Variants in JAK2 observed in about 807,000 individuals in gnomAD.
JAK2 encodes the protein Janus kinase 2, also known as tyrosine-protein kinase JAK2.
A neutral mutation model predicts 139.3 loss-of-function variants in JAK2; 86 were observed. The observed-to-expected ratio is 0.62, with a 90% CI of 0.52 to 0.74. JAK2 has a LOEUF of 0.74. JAK2 is among the 30% of genes least tolerant of loss of function. The probability of loss-of-function intolerance (pLI) is 0.00; values close to 1 mark genes in which losing one functional copy is unlikely to be tolerated. For missense variants in JAK2, 1,421 were observed against 1,360.3 expected (o/e 1.04, Z -0.70); for synonymous variants, 490 against 437.7 (o/e 1.12, Z -1.49).
chr9:5,042,057 G>A lies in JAK2; in HGVS notation c.351-2346G>A, dbSNP rs1233511359. The A allele has an allele frequency of 2.9e-5, 7 of 244,344 alleles. No individual in the cohort carries two copies. The East Asian group carries it at 9.3e-4, about 33-fold the overall frequency. The allele number at this position is 244,344 out of a possible 1,614,324, so 15.1% of individuals were successfully genotyped here. On this transcript the variant is annotated intron_variant, in intron 4 of 24. Coordinates refer to ENST00000381652, the MANE Select transcript of JAK2 (RefSeq NM_004972.4). Reference sequence around the variant, plus strand: ...TGGAAGCCAGGACACAGACTGCAGGGTCTTGGCCGGCGGCCCCATCCCCGG... The same window carrying A: ...TGGAAGCCAGGACACAGACTGCAGGATCTTGGCCGGCGGCCCCATCCCCGG...
chr9:5,095,990 C>A lies in JAK2; in HGVS notation c.3059+5079C>A, dbSNP rs547601536. Among the ~76,000 whole-genome samples, 7 of 152,270 alleles carry A rather than the reference C, an allele frequency of 4.6e-5. No homozygotes were observed. The South Asian group carries it at 1.2e-3, about 27-fold the overall frequency. ...CTACTATCCCTAGGAGCTTTACCTC[C>A]ATTAACAGGATTTCTGCCTGAATGA... On this transcript the variant is annotated intron_variant, in intron 22 of 24. Transcript: ENST00000381652.
At chr9:5,123,246 G>A (rs1823754310) in intron 23 of JAK2, 125 bp downstream of exon 23, 2 of 571,500 alleles carry the variant, frequency 3.5e-6, no homozygotes, top group Non-Finnish European at 6.3e-6. Flanking sequence ...GAGCTTTTAG[G>A]GTATCCACCA....
chr9:5,038,256 G>C (rs2130253081), intron 4 of JAK2, among the ~76,000 whole-genome samples: 1 of 152,270 alleles, frequency 6.6e-6, no homozygotes, highest in East Asian at 1.9e-4. Flanking sequence ...AGAAAGAACA[G>C]AAAGTTTGAA....
rs1225953672 is a variant in JAK2 at position 5,090,575 on chromosome 9, C to G, written c.2886+5C>G. 1 of 1,561,520 alleles carries G rather than the reference C, an allele frequency of 6.4e-7. No homozygotes were observed. Among genetic ancestry groups the G allele is most frequent in the African/African-American group, 1.4e-5 (1 of 72,790 alleles). ...TACACATCTCAGATATGCAAGGTAA[C>G]TAATATCCTGATTATTTGCTGTAGA... On this transcript the variant is annotated splice_donor_5th_base_variant and intron_variant, in intron 21 of 24. Transcript: ENST00000381652.
In JAK2 at chr9:5,128,962, T is replaced by G. The variant is rs1420927780; in HGVS notation, c.*2171T>G. On this transcript the variant is annotated 3_prime_UTR_variant, in exon 25 of 25. Coordinates refer to ENST00000381652, the MANE Select transcript of JAK2 (RefSeq NM_004972.4). ...TTATACAATCTTTATATAAATGACT[T>G]TTTCCATGGGTACTTGTTTGGAAAA... 6.6e-6 allele frequency among the ~76,000 whole-genome samples: 1 copy of G among 152,038 alleles called. No individual in the cohort carries two copies. The highest frequency in any genetic ancestry group is 1.5e-5 in the Non-Finnish European group (1 of 67,874).
intron 2 of JAK2, among the ~76,000 whole-genome samples, chr9:4,993,799 A>T (rs1460124960): frequency 2.0e-5 from 3 of 152,194 alleles, no homozygotes; most frequent in Non-Finnish European, 2.9e-5. Context: ...TAAGAAAAAA[A>T]TGGATTCCTG....
At chr9:5,032,913 T>A (rs1823276817) in intron 4 of JAK2, among the ~76,000 whole-genome samples, 2 of 152,150 alleles carry the variant, frequency 1.3e-5, no homozygotes, top group Admixed American at 1.3e-4. Context: ...TTTGACAAGT[T>A]GAGAGAAGAA....
rs1206179248 is a variant in JAK2 at position 5,083,482 on chromosome 9, G to T, written c.2571+1621G>T. On this transcript the variant is annotated intron_variant, in intron 19 of 24. Transcript: ENST00000381652. ...TCCTGAAATATCTCCAGATGTCATT[G>T]ATTTTCCTCTTTTCTGGGAACTTAT... Among the ~76,000 whole-genome samples, 6 of 152,076 alleles carry T rather than the reference G, an allele frequency of 3.9e-5. No homozygotes were observed. In the East Asian group the frequency reaches 9.6e-4, roughly 24 times the overall value.
intron 22 of JAK2, chr9:5,098,385 T>A (rs1020025593): frequency 1.2e-4 from 19 of 152,204 alleles, no homozygotes; most frequent in African/African-American, 3.4e-4. Flanking sequence ...CTACATCCCC[T>A]ATCATAGAAG....
chr9:5,072,186 G>A (rs913019514), intron 12 of JAK2, among the ~76,000 whole-genome samples: 4 of 152,176 alleles, frequency 2.6e-5, no homozygotes, highest in African/African-American at 9.6e-5. Context: ...TGATTCCCAT[G>A]TAAGCAAATG....
chr9:5,011,922 C>G (rs1821728855), intron 2 of JAK2, among the ~76,000 whole-genome samples: 1 of 152,190 alleles, frequency 6.6e-6, no homozygotes, highest in African/African-American at 2.4e-5. Context: ...AGTGGAAAGC[C>G]TGAGATATTT....
intron 8 of JAK2, among the ~76,000 whole-genome samples, chr9:5,059,327 T>C (rs1817994417): frequency 6.6e-6 from 1 of 152,202 alleles, no homozygotes; most frequent in Admixed American, 6.5e-5. Context: ...GTATGTATTC[T>C]TTTAAAATCT....
chr9:5,018,981 TTC>T (rs1822242718), intron 2 of JAK2, among the ~76,000 whole-genome samples: 1 of 152,156 alleles, frequency 6.6e-6, no homozygotes. Context: ...CTGACAACAG[TTC>T]TCTCTTTGTC....
rs1183602384 is a variant in JAK2, at chr9:5,054,890, C to T, written c.936+6C>T. On this transcript the variant is annotated splice_donor_region_variant and intron_variant, in intron 7 of 24. Transcript: ENST00000381652. The surrounding 1 kb of genome is among the most constrained non-coding windows in gnomAD (Gnocchi z 4.9). ...GTGAGACACTGACAGAACAGGTAAT[C>T]CTTAATGATATGTTCTTGTTCTTTG... is the stretch of plus-strand genomic sequence containing the variant. The T allele has an allele frequency of 6.5e-7, 1 of 1,549,534 alleles. No individual in the cohort carries two copies. Among genetic ancestry groups the T allele is most frequent in the Non-Finnish European group, 8.8e-7 (1 of 1,138,624 alleles).
Position 5,044,399 on chromosome 9 carries a change from G to A in JAK2, c.351-4G>A, listed in dbSNP as rs370926996. On this transcript the variant is annotated splice_polypyrimidine_tract_variant and splice_region_variant and intron_variant, in intron 4 of 24. Transcript: ENST00000381652. ...GCTGACCAAATGTTTTTATTATCTT[G>A]TAGATTTTACTTTCCTCGTTGGTAT... 29 of 1,586,194 alleles carry A rather than the reference G, an allele frequency of 1.8e-5. No individual in the cohort carries two copies. The African/African-American group carries it at 3.2e-4, about 18-fold the overall frequency.
At chr9:4,994,415 A>G (rs1490578105) in intron 2 of JAK2, among the ~76,000 whole-genome samples, 1 of 152,194 alleles carries the variant, frequency 6.6e-6, no homozygotes, top group Non-Finnish European at 1.5e-5. Context: ...AGTTTGTTTC[A>G]TTAGCTCTGG....
At chr9:5,025,809 G>T (rs904298031) in intron 3 of JAK2, among the ~76,000 whole-genome samples, 3 of 152,092 alleles carry the variant, frequency 2.0e-5, no homozygotes, top group African/African-American at 7.2e-5. Context: ...GTGAGCCACT[G>T]CACCCAGCCA....
At chr9:5,067,001 C>G (rs1818617950) in intron 10 of JAK2, among the ~76,000 whole-genome samples, 1 of 151,938 alleles carries the variant, frequency 6.6e-6, no homozygotes, top group African/African-American at 2.4e-5. Flanking sequence ...TTTATAATGT[C>G]TATCTTTTTA....
intron 12 of JAK2, 57 bp downstream of exon 12, chr9:5,070,109 T>C: frequency 7.9e-7 from 1 of 1,273,724 alleles, no homozygotes. Context: ...AACATCTGTT[T>C]TCTTGATTTA....
Sources: allele counts gnomAD v4.1 joint callset (sites outside exome capture counted in the v4.1 genomes callset), GRCh38; gene constraint gnomAD v4.1.1; non-coding constraint Gnocchi (gnomAD v3.1); transcripts MANE v1.5; gene names NCBI Gene and HGNC (gene_info 2026-07-23, HGNC 2026-07-21).